SYNJ1: variants seen among roughly 807,000 people sequenced by gnomAD.
SYNJ1 encodes the protein synaptojanin 1.
A neutral mutation model predicts 168.2 loss-of-function variants in SYNJ1; 78 were observed. The ratio of observed to expected loss-of-function variants is 0.46; its 90% CI spans 0.39 to 0.56. The LOEUF is 0.56. SYNJ1 is among the 20% of genes least tolerant of loss of function. The pLI is 0.00. For synonymous variants in SYNJ1, 539 were observed against 548.6 expected (o/e 0.98, Z 0.24); for missense variants, 1,303 against 1,597.6 (o/e 0.82, Z 3.14).
chr21:32,704,441 T>C (rs1266030369), intron 2 of SYNJ1, among the ~76,000 whole-genome samples: 2 of 152,242 alleles, frequency 1.3e-5, no homozygotes, highest in African/African-American at 4.8e-5. Flanking sequence ...TTACGATATA[T>C]GCTTCAAAGG....
At chr21:32,692,205 G>C (rs563128448) in intron 6 of SYNJ1, among the ~76,000 whole-genome samples, 29 of 152,300 alleles carry the variant, frequency 1.9e-4, no homozygotes, top group African/African-American at 7.0e-4. Context: ...GGTCAGGACT[G>C]GCTGCTTCAT....
intron 32 of SYNJ1, among the ~76,000 whole-genome samples, chr21:32,633,924 T>C (rs1208516581): frequency 6.6e-6 from 1 of 152,218 alleles, no homozygotes; most frequent in Non-Finnish European, 1.5e-5. Context: ...TAAGTAGACC[T>C]ATATGTGGAA....
At chr21:32,674,099 G>A (rs1409670595) in intron 13 of SYNJ1, among the ~76,000 whole-genome samples, 2 of 152,208 alleles carry the variant, frequency 1.3e-5, no homozygotes, top group African/African-American at 2.4e-5. Flanking sequence ...CACTCAGAGT[G>A]GAAGCCAAAG....
intron 3 of SYNJ1, among the ~76,000 whole-genome samples, chr21:32,700,365 G>A (rs141111506): frequency 5.3e-5 from 8 of 152,180 alleles, no homozygotes; most frequent in South Asian, 2.1e-4. Flanking sequence ...AAACTTTATC[G>A]AATAATTGGC....
chr21:32,709,257 T>C (rs907898416), intron 2 of SYNJ1, among the ~76,000 whole-genome samples: 19 of 151,752 alleles, frequency 1.3e-4, no homozygotes, highest in Non-Finnish European at 1.2e-4. Context: ...AGGCCCAAGG[T>C]GGGTGGCTCA....
In SYNJ1 at chr21:32,675,066, T is replaced by C. The variant is rs74797491; in HGVS notation, c.1534+1266A>G. On this transcript the variant is annotated intron_variant, in intron 13 of 32. Coordinates refer to ENST00000674351, the MANE Select transcript of SYNJ1 (RefSeq NM_203446.3). ...TACTTGTCTGGCCTGTTGGTATGGT[T>C]AATTCAAAGCTGACTGTACCTAGAT... Among the ~76,000 whole-genome samples the C allele has an allele frequency of 8.2e-3, 1,247 of 152,326 alleles. 29 individuals are homozygous for C. The highest frequency in any genetic ancestry group is 0.029 in the African/African-American group (1,197 of 41,564).
At chr21:32,672,345 T>C (rs937758914) in intron 14 of SYNJ1, among the ~76,000 whole-genome samples, 1 of 151,904 alleles carries the variant, frequency 6.6e-6, no homozygotes. Context: ...TCTTTTTTTT[T>C]GTTTTTTTGT....
At position 32,638,889 on chromosome 21, in the gene SYNJ1, T is replaced by C; in HGVS notation, c.3915+19A>G. On this transcript the variant is annotated intron_variant, in intron 31 of 32. Transcript: ENST00000674351. The stretch of plus-strand genomic sequence containing the variant: ...CATATGCATCAAAGATAATATTTTG[T>C]GTAACAAATGAGACTTACTTGCGGT... 6.4e-7 allele frequency: 1 copy of C among 1,574,074 alleles called. No homozygotes were observed. Among genetic ancestry groups the C allele is most frequent in the South Asian group, 1.1e-5 (1 of 87,204 alleles).
At chr21:32,694,065 T>C (rs1174179466) in intron 6 of SYNJ1, among the ~76,000 whole-genome samples, 163 bp downstream of exon 6, 1 of 152,200 alleles carries the variant, frequency 6.6e-6, no homozygotes, top group East Asian at 1.9e-4. Context: ...CTAAGATAAT[T>C]CCAGAAACTC....
intron 6 of SYNJ1, among the ~76,000 whole-genome samples, chr21:32,689,357 C>T (rs1262180594): frequency 1.2e-4 from 19 of 152,258 alleles, no homozygotes; most frequent in East Asian, 3.9e-4. Flanking sequence ...AGTGCATTGG[C>T]GTGATCTCGG....
chr21:32,687,927 G>A (rs1005552867), intron 7 of SYNJ1, among the ~76,000 whole-genome samples: 2 of 152,080 alleles, frequency 1.3e-5, no homozygotes, highest in Non-Finnish European at 2.9e-5. Context: ...TACCGAACAT[G>A]ATTTTACTAA....
intron 2 of SYNJ1, among the ~76,000 whole-genome samples, chr21:32,723,965 C>T (rs1318449739): frequency 6.6e-6 from 1 of 151,638 alleles, no homozygotes; most frequent in Non-Finnish European, 1.5e-5. Context: ...TGAGTAGGAC[C>T]TCGGTGGGAC....
intron 10 of SYNJ1, among the ~76,000 whole-genome samples, chr21:32,683,457 C>T (rs1251332568): frequency 6.6e-6 from 1 of 150,900 alleles, no homozygotes; most frequent in African/African-American, 2.4e-5. Context: ...TTTATAGCTA[C>T]TAATTTGAAA....
intron 2 of SYNJ1, among the ~76,000 whole-genome samples, chr21:32,726,066 C>T (rs765206985): frequency 3.3e-5 from 5 of 152,160 alleles, no homozygotes; most frequent in Non-Finnish European, 7.3e-5. Context: ...TCTCAAACTC[C>T]CCGCCTCAAG....
intron 2 of SYNJ1, 40 bp from the exon 3 acceptor site, chr21:32,702,087 A>C: frequency 7.1e-6 from 10 of 1,403,182 alleles, no homozygotes; most frequent in Non-Finnish European, 8.9e-6. Flanking sequence ...ATGACCTGAA[A>C]CATTGGATTC....
At chr21:32,683,373 G>A (rs1433019213) in intron 10 of SYNJ1, among the ~76,000 whole-genome samples, 2 of 151,492 alleles carry the variant, frequency 1.3e-5, no homozygotes. Context: ...TGCAAACAGC[G>A]ACCTTATCAG....
chr21:32,658,949 G>A (rs1174134973), intron 18 of SYNJ1, among the ~76,000 whole-genome samples: 1 of 152,162 alleles, frequency 6.6e-6, no homozygotes, highest in African/African-American at 2.4e-5. Flanking sequence ...GAGACATTTG[G>A]AACTGTAAAT....
At chr21:32,680,644 C>G (rs1219656502) in intron 11 of SYNJ1, among the ~76,000 whole-genome samples, 3 of 151,500 alleles carry the variant, frequency 2.0e-5, no homozygotes, top group African/African-American at 7.3e-5. Flanking sequence ...CAGAGTCTCA[C>G]TCTGTCACTC....
intron 11 of SYNJ1, among the ~76,000 whole-genome samples, chr21:32,679,795 A>G (rs1055222076): frequency 1.3e-5 from 2 of 152,130 alleles, no homozygotes; most frequent in African/African-American, 4.8e-5. Flanking sequence ...TGCAAATGAC[A>G]TTATTTGAAA....
Sources: allele counts gnomAD v4.1 joint callset (sites outside exome capture counted in the v4.1 genomes callset), GRCh38; gene constraint gnomAD v4.1.1; transcripts MANE v1.5; gene names NCBI Gene and HGNC (gene_info 2026-07-23, HGNC 2026-07-21).